Variants in IGF2R observed in about 807,000 individuals in gnomAD.
The protein encoded by IGF2R is insulin like growth factor 2 receptor, also known as cation-independent mannose-6-phosphate receptor.
IGF2R carries 91 observed loss-of-function variants against 270.6 expected under a neutral mutation model. That is an observed-to-expected ratio of 0.34 (90% confidence interval 0.28 to 0.40). IGF2R has a LOEUF of 0.40. IGF2R is among the 10% of genes least tolerant of loss of function. IGF2R has a pLI of 1.00. For missense variants in IGF2R, 2,805 were observed against 3,188.3 expected, an observed-to-expected ratio of 0.88 and a Z score of 2.90; for synonymous variants, 1,316 against 1,258.9, an observed-to-expected ratio of 1.05 and a Z score of -0.96.
Position 160,049,037 on chromosome 6 carries a change from C to T in IGF2R, c.2514+494C>T, listed in dbSNP as rs183283655. 1.7e-3 allele frequency among the ~76,000 whole-genome samples: 265 copies of T among 152,240 alleles called. 1 individual carries two copies. Among genetic ancestry groups the T allele is most frequent in the Middle Eastern group, 0.01 (3 of 294 alleles). On this transcript the variant is annotated intron_variant, in intron 18 of 47. Coordinates refer to ENST00000356956, the MANE Select transcript of IGF2R (RefSeq NM_000876.4). Reference sequence around the variant, plus strand: ...TTACCCGTCTCCTGTGGTCGTTGTACGTGGTGAATCTTAAAAGAGATGTCT... The same window carrying T: ...TTACCCGTCTCCTGTGGTCGTTGTATGTGGTGAATCTTAAAAGAGATGTCT...
chr6:160,073,906 T>C lies in IGF2R; in HGVS notation c.5097T>C (p.Asn1699=), dbSNP rs1162364758. The change falls in exon 35 of 48, where the codon AAT becomes AAC. Residue 1699 remains asparagine (N), a synonymous_variant. Coordinates refer to ENST00000356956, the MANE Select transcript of IGF2R (RefSeq NM_000876.4). ...DFYINICQPL[N]PMHGVPCPAG... is the part of the protein sequence containing the mutation. ...ACATCAATATTTGTCAGCCACTAAATCCCATGCACGGAGTGCCCTGTCCTG... is the reference window on the plus strand; with the variant it reads ...ACATCAATATTTGTCAGCCACTAAACCCCATGCACGGAGTGCCCTGTCCTG... 3 of 1,614,214 alleles carry C rather than the reference T, an allele frequency of 1.9e-6. No homozygotes were observed. The highest frequency in any genetic ancestry group is 2.5e-6 in the Non-Finnish European group (3 of 1,180,036).
At chr6:160,076,593 C>T (rs1463687393) in intron 36 of IGF2R, among the ~76,000 whole-genome samples, 4 of 152,214 alleles carry the variant, frequency 2.6e-5, no homozygotes, top group Non-Finnish European at 4.4e-5. Flanking sequence ...CCCTATTCCA[C>T]AGGGACTCAG....
intron 39 of IGF2R, among the ~76,000 whole-genome samples, chr6:160,080,843 C>T (rs1181179031): frequency 6.6e-6 from 1 of 151,820 alleles, no homozygotes; most frequent in Non-Finnish European, 1.5e-5. Context: ...TTTGGCCAGG[C>T]GCGGTGGCTC....
At chr6:160,069,160 G>T (rs1217270488) in intron 30 of IGF2R, among the ~76,000 whole-genome samples, 2 of 152,082 alleles carry the variant, frequency 1.3e-5, no homozygotes, top group Admixed American at 6.5e-5. Flanking sequence ...GCTGAGACTG[G>T]ATGTCAGCTG....
chr6:160,081,268 A>T (rs186531896), intron 39 of IGF2R, among the ~76,000 whole-genome samples: 73 of 152,232 alleles, frequency 4.8e-4, no homozygotes, highest in Middle Eastern at 6.8e-3. Flanking sequence ...TACAAAAGAG[A>T]GAAATTTTAA....
At chr6:160,080,445 G>A (rs1778955137) in intron 39 of IGF2R, among the ~76,000 whole-genome samples, 170 bp downstream of exon 39, 1 of 152,208 alleles carries the variant, frequency 6.6e-6, no homozygotes, top group South Asian at 2.1e-4. Flanking sequence ...ATTGCTCTGT[G>A]GGATTGCTGG....
At chr6:160,033,190 G>A in intron 9 of IGF2R, 83 bp downstream of exon 9, 1 of 933,700 alleles carries the variant, frequency 1.1e-6, no homozygotes, top group South Asian at 1.6e-5. Context: ...AGGCTAGACT[G>A]CAGTGGTGCA....
intron 37 of IGF2R, among the ~76,000 whole-genome samples, chr6:160,078,969 T>A (rs1267166299): frequency 6.6e-6 from 1 of 152,116 alleles, no homozygotes; most frequent in Non-Finnish European, 1.5e-5. Context: ...AGCCTAGATA[T>A]CTAGATGTTA....
intron 35 of IGF2R, 98 bp from the exon 36 acceptor site, chr6:160,075,749 G>C: frequency 1.6e-6 from 2 of 1,230,062 alleles, no homozygotes; most frequent in Non-Finnish European, 2.3e-6. Context: ...CAGAACCTAT[G>C]AGGTCTGGTT....
chr6:160,032,423 CA>C, intron 7 of IGF2R, 127 bp from the exon 8 acceptor site: 2 of 785,278 alleles, frequency 2.5e-6, no homozygotes, highest in Non-Finnish European at 4.0e-6. Flanking sequence ...AATTATGATT[CA>C]AAAAACAGAA....
chr6:160,060,577 T>C lies in IGF2R; in HGVS notation c.3122T>C (p.Val1041Ala). The C allele has an allele frequency of 6.2e-7, 1 of 1,614,266 alleles. No homozygotes were observed. The highest frequency in any genetic ancestry group is 1.7e-5 in the Admixed American group (1 of 60,028). Residue 1041 changes from valine (V) to alanine (A), a missense_variant, in exon 23 of 48, where the codon GTT becomes GCT. Val to Ala is a moderately conservative substitution (Grantham distance 64, BLOSUM62 0). Transcript: ENST00000356956. ...GTADAFIVRF[V>A]CNDDVYSGPL... ...GCTGATGCTTTTATCGTCCGCTTTG[T>C]TTGCAATGATGATGTTTACTCAGGG...
At chr6:160,052,262 A>G (rs1778216224) in intron 19 of IGF2R, among the ~76,000 whole-genome samples, 1 of 152,226 alleles carries the variant, frequency 6.6e-6, no homozygotes, top group Non-Finnish European at 1.5e-5. Context: ...TCAAGGTGCA[A>G]AAATCACAAG....
intron 4 of IGF2R, among the ~76,000 whole-genome samples, chr6:160,019,134 GATC>G (rs1285035792): frequency 2.6e-5 from 4 of 152,056 alleles, no homozygotes; most frequent in Non-Finnish European, 5.9e-5. Flanking sequence ...CCACAAAAAA[GATC>G]ATAAGAGACT....
At chr6:160,065,828 A>G (rs879487208) in intron 29 of IGF2R, among the ~76,000 whole-genome samples, 30,393 of 118,176 alleles carry the variant, frequency 0.26, 4,170 homozygotes, top group Middle Eastern at 0.42. Context: ...ATATATATAT[A>G]TATATATATA....
intron 45 of IGF2R, among the ~76,000 whole-genome samples, chr6:160,098,823 A>G (rs561021084): frequency 6.6e-6 from 1 of 152,344 alleles, no homozygotes; most frequent in South Asian, 2.1e-4. Flanking sequence ...GATCTCAGGA[A>G]AAAAAATCAT....
At chr6:159,985,689 GCTAGTGC>G (rs1783870905) in intron 1 of IGF2R, among the ~76,000 whole-genome samples, 1 of 152,178 alleles carries the variant, frequency 6.6e-6, no homozygotes, top group African/African-American at 2.4e-5. Context: ...TGCCATGGCA[GCTAGTGC>G]TGGAGCTGTG....
rs553857151 is a variant in IGF2R at position 160,051,374 on chromosome 6, G to A, written c.2694+722G>A. ...AGTCTTCTTTTGTGGGATAGATAATGAGATTTCCGAGTTTCTTTTGGAAAG... is the reference window on the plus strand; with the variant it reads ...AGTCTTCTTTTGTGGGATAGATAATAAGATTTCCGAGTTTCTTTTGGAAAG... On this transcript the variant is annotated intron_variant, in intron 19 of 47. Coordinates refer to ENST00000356956, the MANE Select transcript of IGF2R (RefSeq NM_000876.4). 3.3e-5 allele frequency among the ~76,000 whole-genome samples: 5 copies of A among 152,306 alleles called. No individual in the cohort carries two copies. In the South Asian group the frequency reaches 1.0e-3, roughly 32 times the overall value.
rs1017781613 is a variant in IGF2R, at chr6:160,060,638, G to T, written c.3183G>T (p.Gly1061=). ...LKFLHQDIDS[G]QGIRNTYFEF... ...TCCTGCATCAAGATATCGACTCTGG[G>T]CAAGGGATCCGAAACACTTACTTTG... is the stretch of plus-strand genomic sequence containing the variant. The change falls in exon 23 of 48, where the codon GGG becomes GGT. Residue 1061 remains glycine, a synonymous_variant. Transcript: ENST00000356956. 1.2e-6 allele frequency: 2 copies of T among 1,614,128 alleles called. No individual in the cohort carries two copies. The highest frequency in any genetic ancestry group is 3.3e-5 in the Admixed American group (2 of 60,008).
At position 160,009,062 on chromosome 6, in the gene IGF2R, A is replaced by C; in HGVS notation, c.342A>C (p.Thr114=). The C allele has an allele frequency of 9.9e-6, 16 of 1,613,930 alleles. No individual in the cohort carries two copies. Among genetic ancestry groups the C allele is most frequent in the Non-Finnish European group, 1.4e-5 (16 of 1,179,826 alleles). Residue 114 remains threonine, a synonymous_variant, in exon 3 of 48, where the codon ACA becomes ACC. Coordinates refer to ENST00000356956, the MANE Select transcript of IGF2R (RefSeq NM_000876.4). ...ATRSLLEFNT[T]VSCDQQGTNH... ...GATCTCTCCTGGAATTCAACACAAC[A>C]GTGAGCTGTGACCAGCAAGGCACAA...
Sources: gnomAD v4.1 joint callset for allele counts (sites outside exome capture counted in the v4.1 genomes callset) on GRCh38, gnomAD v4.1.1 for gene constraint, MANE v1.5 for transcripts, NCBI Gene and HGNC (gene_info 2026-07-23, HGNC 2026-07-21) for gene names.